ZNF43: variants seen among roughly 807,000 people sequenced by gnomAD.
The protein encoded by ZNF43 is zinc finger protein 43, also known as zinc finger protein 39-like 1 (KOX 27).
A neutral mutation model predicts 68.4 loss-of-function variants in ZNF43; 44 were observed. The ratio of observed to expected loss-of-function variants is 0.64; its 90% CI spans 0.51 to 0.83. The LOEUF is 0.83. Among genes scored for constraint, ZNF43 ranks in the 40% least tolerant of loss-of-function variants. The pLI, the probability that ZNF43 is intolerant of heterozygous loss-of-function variation, is 0.00. For synonymous variants in ZNF43, 308 were observed against 307.8 expected (o/e 1.00, Z -0.01); for missense variants, 896 against 933.2 (o/e 0.96, Z 0.52).
rs113522162 is a variant in ZNF43, at chr19:21,851,897, A to T, written c.30+8T>A. Reference sequence around the variant, plus strand: ...CCCCTCTCGGGATGCCTAACCCCGCACACTCACCATTTCCCAGCTTCCAGG... The same window carrying T: ...CCCCTCTCGGGATGCCTAACCCCGCTCACTCACCATTTCCCAGCTTCCAGG... On this transcript the variant is annotated splice_region_variant and intron_variant, in intron 1 of 3. Transcript: ENST00000357491. 1.9e-6 allele frequency: 3 copies of T among 1,577,626 alleles called. No individual in the cohort carries two copies. In the African/African-American group the frequency reaches 4.0e-5, roughly 21 times the overall value.
intron 2 of ZNF43, among the ~76,000 whole-genome samples, chr19:21,818,674 C>T (rs1040828358): frequency 2.6e-5 from 4 of 152,102 alleles, no homozygotes; most frequent in Non-Finnish European, 5.9e-5. Flanking sequence ...CCTGCCTCGG[C>T]CTCCCAGAGT....
upstream of ZNF43, among the ~76,000 whole-genome samples, chr19:21,837,012 TA>T (rs755354576): frequency 3.9e-5 from 6 of 152,220 alleles, no homozygotes; most frequent in East Asian, 9.6e-4. Flanking sequence ...GAACATTTTT[TA>T]AAAAACTAAA....
At chr19:21,827,570 C>T (rs546384137) in intron 1 of ZNF43, among the ~76,000 whole-genome samples, 1 of 151,106 alleles carries the variant, frequency 6.6e-6, no homozygotes, top group African/African-American at 2.4e-5. Flanking sequence ...CCATGTTGGT[C>T]AAGCAGGTCT....
chr19:21,807,888 G>C lies in ZNF43; in HGVS notation c.2149C>G (p.Arg717Gly), dbSNP rs748950106. The part of the protein sequence containing the change: ...KCEKCGKAFN[R>G]SSNLIEHKKI... ...TTATGTTCAATAAGGTTTGAGGATC[G>C]GTTAAAAGCTTTGCCACATTTTTCA... Residue 717 changes from arginine to glycine, a missense_variant, in exon 4 of 4, where the codon CGA (arginine) becomes GGA (glycine). Coordinates refer to ENST00000354959, the MANE Select transcript of ZNF43 (RefSeq NM_003423.4). 1.5e-5 allele frequency: 24 copies of C among 1,612,362 alleles called. No homozygotes were observed. The South Asian group carries it at 2.5e-4, about 17-fold the overall frequency.
upstream of ZNF43, chr19:21,836,278 T>C: frequency 1.5e-6 from 2 of 1,325,754 alleles, no homozygotes; most frequent in South Asian, 1.8e-5. Context: ...GGATAACTTC[T>C]AAGGTCCTGC....
chr19:21,838,953 G>A (rs1340080093), upstream of ZNF43: 1 of 152,084 alleles, frequency 6.6e-6, no homozygotes, highest in South Asian at 2.1e-4. Flanking sequence ...CTGTTAGCAG[G>A]GTGCAGGCAG....
At chr19:21,839,862 G>A (rs1224757039), upstream of ZNF43, 3 of 152,164 alleles carry the variant, frequency 2.0e-5, no homozygotes, top group Admixed American at 2.0e-4. Flanking sequence ...AAGTGCTGAG[G>A]AAAAACGTAA....
chr19:21,812,149 C>T (rs1040339786), intron 3 of ZNF43: 9 of 374,492 alleles, frequency 2.4e-5, no homozygotes, highest in Non-Finnish European at 4.3e-5. Flanking sequence ...TTTTTTGAGA[C>T]GGAGTCTCAC....
intron 1 of ZNF43, among the ~76,000 whole-genome samples, chr19:21,834,042 G>GA (rs201440487): frequency 0.013 from 1,937 of 150,946 alleles, 21 homozygotes; most frequent in African/African-American, 0.018. Context: ...CGGGGCGGGG[G>GA]AAAAAAAAGA....
chr19:21,824,140 C>A (rs758103189), intron 1 of ZNF43, among the ~76,000 whole-genome samples: 1 of 152,092 alleles, frequency 6.6e-6, no homozygotes, highest in Admixed American at 6.5e-5. Flanking sequence ...GCACCAAGAT[C>A]GTGCCACTGC....
chr19:21,817,696 G>C (rs2037596082), intron 3 of ZNF43, among the ~76,000 whole-genome samples, 192 bp downstream of exon 3: 1 of 152,172 alleles, frequency 6.6e-6, no homozygotes, highest in Non-Finnish European at 1.5e-5. Flanking sequence ...AGGGAAATAA[G>C]AATCCTGAGA....
Position 21,808,668 on chromosome 19 carries a change from C to T in ZNF43, c.1369G>A (p.Glu457Lys), listed in dbSNP as rs1165141991. The T allele has an allele frequency of 1.2e-6, 2 of 1,613,292 alleles. No individual in the cohort carries two copies. Among genetic ancestry groups the T allele is most frequent in the Non-Finnish European group, 8.5e-7 (1 of 1,179,804 alleles). ...TGGTTAAAGGCTTTGCCACATACTT[C>T]ACATTTGTAGGGTTTCTCTCCAGTA... The part of the protein sequence containing the change: ...IHTGEKPYKC[E>K]VCGKAFNQFS... The change falls in exon 4 of 4, where the codon GAA (glutamate) becomes AAA (lysine). Residue 457 changes from glutamate (E) to lysine (K), a missense_variant. Coordinates refer to ENST00000354959, the MANE Select transcript of ZNF43 (RefSeq NM_003423.4).
intron 1 of ZNF43, among the ~76,000 whole-genome samples, chr19:21,842,334 G>T (rs1268051532): frequency 2.0e-5 from 3 of 151,298 alleles, no homozygotes. Flanking sequence ...GCTTGAACCC[G>T]GGAGGCAGAG....
chr19:21,808,363 C>A lies in ZNF43; in HGVS notation c.1674G>T (p.Arg558Ser). ...NHFSILTKHKRIHTGEKPYKC... is the reference protein window; with the variant it reads ...NHFSILTKHKSIHTGEKPYKC... ...TGTAGGGTTTCTCTCCAGTATGAAT[C>A]CTCTTATGTTTGGTAAGGATTGAGA... The change falls in exon 4 of 4, where the codon AGG (arginine) becomes AGT (serine). Residue 558 changes from arginine (R) to serine (S), a missense_variant. Transcript: ENST00000354959. 6.4e-7 allele frequency: 1 copy of A among 1,564,484 alleles called. No homozygotes were observed. Among genetic ancestry groups the A allele is most frequent in the Non-Finnish European group, 8.6e-7 (1 of 1,157,646 alleles).
intron 1 of ZNF43, among the ~76,000 whole-genome samples, chr19:21,846,688 A>G (rs1265365048): frequency 6.6e-6 from 1 of 151,594 alleles, no homozygotes; most frequent in African/African-American, 2.4e-5. Flanking sequence ...AGGAAAAACT[A>G]AGAAAAAAAA....
Position 21,809,399 on chromosome 19 carries a change from C to A in ZNF43, c.638G>T (p.Cys213Phe), listed in dbSNP as rs771565013. 1.9e-5 allele frequency: 31 copies of A among 1,613,216 alleles called. No homozygotes were observed. The highest frequency in any genetic ancestry group is 1.6e-4 in the Middle Eastern group (1 of 6,076). Residue 213 changes from cysteine (C) to phenylalanine (F), a missense_variant, in exon 4 of 4, where the codon TGC (cysteine) becomes TTC (phenylalanine). Transcript: ENST00000354959. Reference sequence around the variant, plus strand: ...CTTATGTTTAGTGATGATTGAAGGGCAGTTAAAAGCTTTTCCACATTTTTC... The same window carrying A: ...CTTATGTTTAGTGATGATTGAAGGGAAGTTAAAAGCTTTTCCACATTTTTC... ...KCEKCGKAFN[C>F]PSIITKHKRI...
At chr19:21,843,796 T>A (rs956652477) in intron 1 of ZNF43, among the ~76,000 whole-genome samples, 19 of 151,886 alleles carry the variant, frequency 1.3e-4, no homozygotes, top group African/African-American at 3.9e-4. Flanking sequence ...AATAAAAAAA[T>A]AAAACAGCCT....
At chr19:21,829,932 T>C (rs1326586369) in intron 1 of ZNF43, among the ~76,000 whole-genome samples, 1 of 151,984 alleles carries the variant, frequency 6.6e-6, no homozygotes, top group Non-Finnish European at 1.5e-5. Context: ...AGATCTGAAC[T>C]GGAGAGTTAG....
intron 1 of ZNF43, among the ~76,000 whole-genome samples, chr19:21,842,058 A>C (rs2435044): frequency 0.09 from 13,698 of 151,992 alleles, 877 homozygotes; most frequent in South Asian, 0.21. Context: ...TCCTTTTCTA[A>C]CTGAAACCTG....
Sources: gnomAD v4.1 joint callset for allele counts (sites outside exome capture counted in the v4.1 genomes callset) on GRCh38, gnomAD v4.1.1 for gene constraint, MANE v1.5 for transcripts, NCBI Gene and HGNC (gene_info 2026-07-23, HGNC 2026-07-21) for gene names.